Variants in NPAS3 observed in about 807,000 individuals in gnomAD.
NPAS3 encodes the protein neuronal PAS domain-containing protein 3.
Under a neutral mutation model 73.1 loss-of-function variants are expected in NPAS3, and 14 were observed. That is an observed-to-expected ratio of 0.19 (90% CI 0.13 to 0.30). The LOEUF is 0.30. Ranked by LOEUF, NPAS3 falls within the 10% of genes least tolerant of loss-of-function variation. The pLI, the probability that NPAS3 is intolerant of heterozygous loss-of-function variation, is 1.00. For synonymous variants in NPAS3, 620 were observed against 541.5 expected (o/e 1.14, Z -2.01); for missense variants, 1,096 against 1,250.0 (o/e 0.88, Z 1.86).
chr14:33,514,487 C>G (rs960598708), intron 4 of NPAS3, among the ~76,000 whole-genome samples: 3 of 151,948 alleles, frequency 2.0e-5, no homozygotes, highest in Non-Finnish European at 4.4e-5. Context: ...CGTTGCTTCC[C>G]TTGGTGAATA....
At chr14:33,592,650 C>G (rs2057108924) in intron 5 of NPAS3, among the ~76,000 whole-genome samples, 1 of 152,088 alleles carries the variant, frequency 6.6e-6, no homozygotes. Context: ...TAATGAAATA[C>G]ATAAATAAGA....
intron 5 of NPAS3, among the ~76,000 whole-genome samples, chr14:33,599,700 CTG>C (rs762904141): frequency 1.3e-5 from 2 of 152,116 alleles, no homozygotes; most frequent in Admixed American, 6.5e-5. Context: ...GGAGAGAACT[CTG>C]TGAGGAGAGA....
chr14:33,374,474 T>A (rs983862901), intron 4 of NPAS3, among the ~76,000 whole-genome samples: 2 of 146,026 alleles, frequency 1.4e-5, no homozygotes, highest in African/African-American at 4.9e-5. Context: ...AGGTTCTCTA[T>A]CTACCAGAAG....
intron 1 of NPAS3, among the ~76,000 whole-genome samples, chr14:32,943,266 A>G (rs531097243): frequency 6.6e-6 from 1 of 152,170 alleles, no homozygotes; most frequent in South Asian, 2.1e-4. Context: ...TCTTAAAAAT[A>G]TGGCTAAAAG....
intron 2 of NPAS3, among the ~76,000 whole-genome samples, chr14:33,181,004 A>C (rs1398958847): frequency 1.3e-5 from 2 of 152,080 alleles, no homozygotes; most frequent in Non-Finnish European, 1.5e-5. Context: ...GATTTCATGA[A>C]GAGTCACTAG....
intron 1 of NPAS3, among the ~76,000 whole-genome samples, chr14:32,977,261 T>C (rs1015617343): frequency 1.3e-5 from 2 of 151,238 alleles, no homozygotes; most frequent in African/African-American, 4.9e-5. Flanking sequence ...GTCTATAGGA[T>C]CCAAAGATGC....
At chr14:33,303,090 A>G (rs2042618008) in intron 3 of NPAS3, among the ~76,000 whole-genome samples, 1 of 152,108 alleles carries the variant, frequency 6.6e-6, no homozygotes, top group South Asian at 2.1e-4. Context: ...TCAGGACTTT[A>G]TATATAACTA....
chr14:33,484,851 G>A (rs1391830319), intron 4 of NPAS3, among the ~76,000 whole-genome samples: 1 of 152,114 alleles, frequency 6.6e-6, no homozygotes, highest in Non-Finnish European at 1.5e-5. Flanking sequence ...AAATCAAGGT[G>A]AGGGGAATTG....
At chr14:33,020,037 C>T (rs951132845) in intron 1 of NPAS3, among the ~76,000 whole-genome samples, 2 of 152,284 alleles carry the variant, frequency 1.3e-5, no homozygotes, top group East Asian at 3.9e-4. Context: ...AAAACCACCA[C>T]AAATATTTAT....
intron 3 of NPAS3, among the ~76,000 whole-genome samples, chr14:33,327,509 T>C (rs998653203): frequency 1.3e-5 from 2 of 152,210 alleles, no homozygotes; most frequent in Non-Finnish European, 1.5e-5. Context: ...TGGGATATGG[T>C]GCAGGAAACT....
intron 2 of NPAS3, among the ~76,000 whole-genome samples, chr14:33,087,288 A>G (rs939724120): frequency 1.4e-5 from 2 of 140,068 alleles, no homozygotes; most frequent in African/African-American, 5.5e-5. Flanking sequence ...CTCTTCCATT[A>G]AAACATTTAT....
intron 4 of NPAS3, among the ~76,000 whole-genome samples, chr14:33,458,578 CA>C (rs1184195620): frequency 4.6e-5 from 7 of 152,152 alleles, no homozygotes; most frequent in African/African-American, 1.7e-4. Flanking sequence ...ATAACATTAG[CA>C]TGTTAATTGT....
At chr14:33,680,028 G>A (rs1040135496) in intron 6 of NPAS3, among the ~76,000 whole-genome samples, 2 of 152,202 alleles carry the variant, frequency 1.3e-5, no homozygotes, top group Non-Finnish European at 2.9e-5. Flanking sequence ...GAACATTTTG[G>A]AAGAGACTGC....
chr14:32,939,112 A>T (rs933195534), upstream of NPAS3: 14 of 71,882 alleles, frequency 1.9e-4, no homozygotes, highest in Non-Finnish European at 2.4e-4. Context: ...CCTCAGCAGC[A>T]CGGCCGCCGC....
intron 1 of NPAS3, among the ~76,000 whole-genome samples, chr14:33,023,228 G>C (rs548456182): frequency 6.6e-6 from 1 of 152,226 alleles, no homozygotes; most frequent in East Asian, 1.9e-4. Context: ...GCAATCTGAA[G>C]GCTTTCAGAA....
chr14:33,745,480 C>T (rs1035640302), intron 7 of NPAS3, among the ~76,000 whole-genome samples: 2 of 152,008 alleles, frequency 1.3e-5, no homozygotes, highest in Middle Eastern at 3.2e-3. Flanking sequence ...AATGAGAGTA[C>T]CAATACAACC....
At chr14:33,318,525 A>G (rs1194980421) in intron 3 of NPAS3, among the ~76,000 whole-genome samples, 2 of 152,078 alleles carry the variant, frequency 1.3e-5, no homozygotes, top group Non-Finnish European at 2.9e-5. Context: ...TAAAAATGTC[A>G]TTATGTTTAT....
chr14:33,244,149 A>AC (rs1479240880), intron 3 of NPAS3, among the ~76,000 whole-genome samples: 1 of 151,994 alleles, frequency 6.6e-6, no homozygotes, highest in Non-Finnish European at 1.5e-5. Context: ...AAAAAAAAAA[A>AC]AAACTATGCA....
intron 3 of NPAS3, among the ~76,000 whole-genome samples, chr14:33,227,613 G>A (rs1045765694): frequency 1.6e-4 from 25 of 152,136 alleles, no homozygotes; most frequent in Admixed American, 1.3e-3. Flanking sequence ...GAGAAAGAAA[G>A]ATTATGTCTC....
Sources: gnomAD v4.1 joint callset for allele counts (sites outside exome capture counted in the v4.1 genomes callset) on GRCh38, gnomAD v4.1.1 for gene constraint, MANE v1.5 for transcripts, NCBI Gene and HGNC (gene_info 2026-07-23, HGNC 2026-07-21) for gene names.